MAVS: variants seen among roughly 807,000 people sequenced by gnomAD.
MAVS encodes mitochondrial antiviral-signaling protein.
A neutral mutation model predicts 30.2 loss-of-function variants in MAVS; 20 were observed. The observed-to-expected ratio is 0.66, with a 90% CI of 0.47 to 0.96. The LOEUF (loss-of-function observed/expected upper bound fraction) is 0.96. Ranked by LOEUF, MAVS falls within the 40% of genes least tolerant of loss-of-function variation. The pLI, the probability that MAVS is intolerant of heterozygous loss-of-function variation, is 0.00. For synonymous variants in MAVS, 278 were observed against 293.9 expected (o/e 0.95, Z 0.55); for missense variants, 624 against 701.1 (o/e 0.89, Z 1.24).
At position 3,852,011 on chromosome 20, in the gene MAVS, C is replaced by CTTTTTTTT. The variant is rs1278577898; in HGVS notation, c.-67-2547_-67-2546insTTTTTTTT. On this transcript the variant is annotated intron_variant, in intron 1 of 6. Coordinates refer to ENST00000428216, the MANE Select transcript of MAVS (RefSeq NM_020746.5). The stretch of plus-strand genomic sequence containing the variant: ...CAGGCTTTTTTTTTTTTTTTTTCCC[C>CTTTTTTTT]CGAGACGGAATCTGGCTCTGTCGCC... 5.7e-4 allele frequency among the ~76,000 whole-genome samples: 27 copies of CTTTTTTTT among 47,238 alleles called. 2 individuals are homozygous for CTTTTTTTT. The highest frequency in any genetic ancestry group is 2.3e-3 in the African/African-American group (21 of 9,128). The allele number at this position is 47,238 out of a possible 152,430, so 31.0% of individuals were successfully genotyped here. A position where few individuals can be genotyped will look rare whatever the true frequency, so the allele number is the denominator to read the frequency against.
Position 3,857,679 on chromosome 20 carries a change from C to T in MAVS, c.162C>T (p.Thr54=), listed in dbSNP as rs1173161312. The change falls in exon 3 of 7, where the codon ACC becomes ACT. Residue 54 remains threonine (T), a synonymous_variant. Transcript: ENST00000428216. ...ATCTLSGNRD[T]LWHLFNTLQR... is the part of the protein sequence containing the mutation. ...GCACACTCTCAGGGAACCGGGACAC[C>T]CTCTGGCATCTCTTCAATACCCTTC... 4 of 1,614,226 alleles carry T rather than the reference C, an allele frequency of 2.5e-6. No individual in the cohort carries two copies. The highest frequency in any genetic ancestry group is 1.3e-5 in the African/African-American group (1 of 75,060).
chr20:3,852,002 TTTTTTCCCC>T (rs11276674), intron 1 of MAVS, among the ~76,000 whole-genome samples: 60,816 of 138,250 alleles, frequency 0.44, 13,384 homozygotes, highest in East Asian at 0.69. Context: ...TTTTTTTTTT[TTTTTTCCCC>T]CGAGACGGAA....
chr20:3,854,425 A>AAAAAAAAAAAAG, intron 1 of MAVS, 133 bp from the exon 2 acceptor site: 1 of 102,480 alleles, frequency 9.8e-6, no homozygotes, highest in East Asian at 1.7e-4. Flanking sequence ...ACTCGCTCTC[A>AAAAAAAAAAAAG]AAAAAAAAAA....
intron 1 of MAVS, among the ~76,000 whole-genome samples, chr20:3,847,720 A>C (rs781588038): frequency 6.6e-6 from 1 of 152,006 alleles, no homozygotes; most frequent in African/African-American, 2.4e-5. Context: ...CCGCCAAGTG[A>C]CCTTGGGTCC....
chr20:3,859,233 C>T (rs948141360), intron 3 of MAVS, among the ~76,000 whole-genome samples: 16 of 151,130 alleles, frequency 1.1e-4, no homozygotes, highest in South Asian at 6.3e-4. Context: ...CCTGGCTGGG[C>T]ACGGTGGCTC....
At position 3,850,601 on chromosome 20, in the gene MAVS, A is replaced by C. The variant is rs953691921; in HGVS notation, c.-68+3698A>C. Reference sequence around the variant, plus strand: ...GTGAACTCCATTTCAAAAAAAAAAAAAAAGGCCAGGCGCAGTGGCTCACGC... The same window carrying C: ...GTGAACTCCATTTCAAAAAAAAAAACAAAGGCCAGGCGCAGTGGCTCACGC... On this transcript the variant is annotated intron_variant, in intron 1 of 6. Coordinates refer to ENST00000428216, the MANE Select transcript of MAVS (RefSeq NM_020746.5). Among the ~76,000 whole-genome samples, 11 of 149,848 alleles carry C rather than the reference A, an allele frequency of 7.3e-5. No homozygotes were observed. In the Admixed American group the frequency reaches 7.4e-4, roughly 10 times the overall value.
At chr20:3,849,698 T>A (rs2089741477) in intron 1 of MAVS, among the ~76,000 whole-genome samples, 1 of 152,230 alleles carries the variant, frequency 6.6e-6, no homozygotes, top group Non-Finnish European at 1.5e-5. Context: ...CTAGTTCAAG[T>A]AGCATGCCTG....
rs984679015 is a variant in MAVS at position 3,857,729 on chromosome 20, A to G, written c.212A>G (p.Tyr71Cys). The G allele has an allele frequency of 1.2e-6, 2 of 1,614,212 alleles. No individual in the cohort carries two copies. The highest frequency in any genetic ancestry group is 1.7e-6 in the Non-Finnish European group (2 of 1,180,038). ...CAGCGGCGGCCCGGCTGGGTGGAGTACTTCATTGCGGCACTGAGGGGCTGT... is the reference window on the plus strand; with the variant it reads ...CAGCGGCGGCCCGGCTGGGTGGAGTGCTTCATTGCGGCACTGAGGGGCTGT... ...TLQRRPGWVE[Y>C]FIAALRGCEL... Residue 71 changes from tyrosine (Y) to cysteine (C), a missense_variant, in exon 3 of 7, where the codon TAC (tyrosine) becomes TGC (cysteine). Physicochemically the swap from Tyr to Cys is radical, Grantham distance 194 (BLOSUM62 -2). Coordinates refer to ENST00000428216, the MANE Select transcript of MAVS (RefSeq NM_020746.5).
At chr20:3,859,308 C>G (rs1219665186) in intron 3 of MAVS, among the ~76,000 whole-genome samples, 1 of 151,908 alleles carries the variant, frequency 6.6e-6, no homozygotes, top group Admixed American at 6.6e-5. Flanking sequence ...GAGTTCGAGA[C>G]CAGCCTGGCC....
intron 2 of MAVS, 45 bp downstream of exon 2, chr20:3,854,786 C>A: frequency 1.4e-6 from 2 of 1,400,976 alleles, no homozygotes; most frequent in South Asian, 1.2e-5. Flanking sequence ...GGGGGCAGGG[C>A]TGTGGAATTC....
intron 5 of MAVS, among the ~76,000 whole-genome samples, chr20:3,863,815 G>A (rs1431335730): frequency 6.6e-6 from 1 of 152,100 alleles, no homozygotes; most frequent in Non-Finnish European, 1.5e-5. Context: ...TGTTCTGCAT[G>A]AGCCATCCTG....
chr20:3,858,206 C>A (rs2089829746), intron 3 of MAVS, among the ~76,000 whole-genome samples: 1 of 152,072 alleles, frequency 6.6e-6, no homozygotes, highest in African/African-American at 2.4e-5. Context: ...TCTTCTCCCC[C>A]ACCTACTCAT....
At position 3,854,598 on chromosome 20, in the gene MAVS, A is replaced by C; in HGVS notation, c.-27A>C. On this transcript the variant is annotated 5_prime_UTR_variant, in exon 2 of 7. Coordinates refer to ENST00000428216, the MANE Select transcript of MAVS (RefSeq NM_020746.5). ...GTCCATCCACCCTTCATGGGGCCAG[A>C]GCCCTCTCTCCAGAATCTGAGCAGC... 6.5e-7 allele frequency: 1 copy of C among 1,539,424 alleles called. No individual in the cohort carries two copies. The highest frequency in any genetic ancestry group is 9.0e-7 in the Non-Finnish European group (1 of 1,114,612).
At position 3,861,489 on chromosome 20, in the gene MAVS, AG is replaced by A. The variant is rs774843566; in HGVS notation, c.451del (p.Glu151SerfsTer40). ...TGCCTGTCCAGGAGACCCAGGCGCC[AG>A]AGTCCCCAGGAGAGGTCTGTCCTCA... Reference protein sequence around the residue: ...PMPVQETQAPESPGENSEQAL... With the variant: ...PMPVQETQAPXSPGENSEQAL... On this transcript the variant is annotated frameshift_variant, in exon 4 of 7. Coordinates refer to ENST00000428216, the MANE Select transcript of MAVS (RefSeq NM_020746.5). LOFTEE classifies it high-confidence loss of function. 3.1e-6 allele frequency: 5 copies of A among 1,613,992 alleles called. No individual in the cohort carries two copies. Among genetic ancestry groups the A allele is most frequent in the Non-Finnish European group, 4.2e-6 (5 of 1,179,948 alleles).
At position 3,866,237 on chromosome 20, in the gene MAVS, A is replaced by T; in HGVS notation, c.*90A>T. Reference sequence around the variant, plus strand: ...GAAGCCCCTTGTCCCTTTCTTGGGGATTGTGGAGGCTGGGTCAGAGGGGAG... The same window carrying T: ...GAAGCCCCTTGTCCCTTTCTTGGGGTTTGTGGAGGCTGGGTCAGAGGGGAG... On this transcript the variant is annotated 3_prime_UTR_variant, in exon 7 of 7. Transcript: ENST00000428216. The T allele has an allele frequency of 4.7e-6, 6 of 1,274,350 alleles. No homozygotes were observed. The highest frequency in any genetic ancestry group is 5.3e-6 in the Non-Finnish European group (5 of 945,442). 78.9% of individuals were successfully genotyped at this position (1,274,350 alleles called of 1,614,324 possible).
In MAVS at chr20:3,857,580, G is replaced by T. The variant is rs186950801; in HGVS notation, c.118-55G>T. 52 of 1,557,396 alleles carry T rather than the reference G, an allele frequency of 3.3e-5. No homozygotes were observed. In the East Asian group the frequency reaches 1.1e-3, roughly 32 times the overall value. On this transcript the variant is annotated intron_variant, in intron 2 of 6. Coordinates refer to ENST00000428216, the MANE Select transcript of MAVS (RefSeq NM_020746.5). ...CCCCGCTGTGGCTTCATTCTGGGTG[G>T]GGAAGTGGCAGGGGCCACCTGGCTT...
In MAVS at chr20:3,864,694, G is replaced by A. The variant is rs143802036; in HGVS notation, c.1064G>A (p.Arg355His). ...APSKLPINSTRAGMVPSKVPT... is the reference protein window; with the variant it reads ...APSKLPINSTHAGMVPSKVPT... ...TCCAAATTGCCCATCAACTCAACCC[G>A]TGCTGGCATGGTGCCATCCAAAGTG... Residue 355 changes from arginine (R) to histidine (H), a missense_variant, in exon 6 of 7, where the codon CGT (arginine) becomes CAT (histidine). By Grantham distance (29) the Arg-to-His change is conservative. Coordinates refer to ENST00000428216, the MANE Select transcript of MAVS (RefSeq NM_020746.5). 4.4e-5 allele frequency: 71 copies of A among 1,614,052 alleles called. No individual in the cohort carries two copies. Among genetic ancestry groups the A allele is most frequent in the Non-Finnish European group, 5.3e-5 (62 of 1,180,048 alleles).
intron 2 of MAVS, among the ~76,000 whole-genome samples, chr20:3,856,713 GT>G (rs1406903575): frequency 6.6e-6 from 1 of 151,666 alleles, no homozygotes; most frequent in African/African-American, 2.4e-5. Context: ...CTGGTTGCTT[GT>G]TTTTATGTGA....
chr20:3,856,993 G>A (rs1252574366), intron 2 of MAVS, among the ~76,000 whole-genome samples: 1 of 150,206 alleles, frequency 6.7e-6, no homozygotes, highest in Non-Finnish European at 1.5e-5. Flanking sequence ...CTGATATCAC[G>A]GCACTGCACT....
Sources: gnomAD v4.1 joint callset for allele counts (sites outside exome capture counted in the v4.1 genomes callset) on GRCh38, gnomAD v4.1.1 for gene constraint, MANE v1.5 for transcripts, NCBI Gene and HGNC (gene_info 2026-07-23, HGNC 2026-07-21) for gene names.